IL1RAPL2: variants seen among roughly 807,000 people sequenced by gnomAD.
IL1RAPL2 encodes the protein interleukin 1 receptor accessory protein like 2, also known as X-linked interleukin-1 receptor accessory protein-like 2.
Under a neutral mutation model 44.1 loss-of-function variants are expected in IL1RAPL2, and 3 were observed. That is an observed-to-expected ratio of 0.07 (90% CI 0.03 to 0.18). The LOEUF (loss-of-function observed/expected upper bound fraction) is 0.18, where lower values mean the gene tolerates loss of function less well. Among genes scored for constraint, IL1RAPL2 ranks in the 10% least tolerant of loss-of-function variants. The pLI is 1.00. For synonymous variants in IL1RAPL2, 181 were observed against 178.8 expected (o/e 1.01, Z -0.10); for missense variants, 391 against 496.4 (o/e 0.79, Z 2.02).
At chrX:104,648,359 C>T (rs776585205) in intron 1 of IL1RAPL2, among the ~76,000 whole-genome samples, 12 of 112,283 alleles carry the variant, frequency 1.1e-4, no homozygotes, top group Admixed American at 3.8e-4. Flanking sequence ...TATTTTTATG[C>T]ATAATCATTT....
chrX:105,099,557 C>T (rs1242762473), intron 2 of IL1RAPL2, among the ~76,000 whole-genome samples: 1 of 102,468 alleles, frequency 9.8e-6, no homozygotes, highest in East Asian at 3.1e-4. Flanking sequence ...CTCCGCCTCC[C>T]GGGTTCACGC....
intron 2 of IL1RAPL2, among the ~76,000 whole-genome samples, chrX:104,736,759 T>C (rs904065238): frequency 1.8e-5 from 2 of 112,380 alleles, no homozygotes; most frequent in African/African-American, 3.2e-5. Context: ...CTAAAGTTCC[T>C]TGGAGGAATG....
intron 6 of IL1RAPL2, 74 bp downstream of exon 6, chrX:105,484,461 G>A: frequency 2.8e-6 from 2 of 706,376 alleles, no homozygotes; most frequent in Non-Finnish European, 4.6e-6. Context: ...GCATGAACCA[G>A]GAAAGGTTTA....
intron 6 of IL1RAPL2, among the ~76,000 whole-genome samples, chrX:105,677,139 T>C (rs1453635473): frequency 8.9e-6 from 1 of 111,947 alleles, no homozygotes; most frequent in East Asian, 2.8e-4. Flanking sequence ...GTAAATAATT[T>C]AGTTTAGTTT....
intron 6 of IL1RAPL2, among the ~76,000 whole-genome samples, chrX:105,616,857 T>C (rs771193866): frequency 1.8e-5 from 2 of 110,686 alleles, no homozygotes; most frequent in Non-Finnish European, 3.8e-5. Context: ...GAAATAATAA[T>C]GTCATTATTA....
At chrX:104,860,513 G>A (rs998114729) in intron 2 of IL1RAPL2, among the ~76,000 whole-genome samples, 3 of 111,284 alleles carry the variant, frequency 2.7e-5, no homozygotes, top group Non-Finnish European at 5.7e-5. Flanking sequence ...CCTTACCTTC[G>A]TAGAACATGC....
chrX:105,373,916 C>G (rs1462358814), intron 5 of IL1RAPL2, among the ~76,000 whole-genome samples: 1 of 109,167 alleles, frequency 9.2e-6, no homozygotes, highest in African/African-American at 3.3e-5. Context: ...GCCAGGAGTT[C>G]AAGACCAGCC....
intron 2 of IL1RAPL2, among the ~76,000 whole-genome samples, chrX:105,030,726 T>C (rs1331300240): frequency 8.9e-6 from 1 of 111,771 alleles, no homozygotes; most frequent in East Asian, 2.8e-4. Context: ...CTTGGAAATG[T>C]GGGCTCTTTT....
intron 5 of IL1RAPL2, among the ~76,000 whole-genome samples, chrX:105,297,864 G>A (rs1182566255): frequency 1.8e-5 from 2 of 111,128 alleles, no homozygotes; most frequent in Admixed American, 1.9e-4. Flanking sequence ...CAAGAGTGGA[G>A]GCCAGGAGAC....
chrX:105,754,586 G>T (rs1175597475), intron 9 of IL1RAPL2, among the ~76,000 whole-genome samples: 1 of 112,337 alleles, frequency 8.9e-6, no homozygotes, highest in Non-Finnish European at 1.9e-5. Flanking sequence ...AACAGGTAAC[G>T]CACTTGTATA....
rs757716156 is a variant in IL1RAPL2 at position 105,533,780 on chromosome X, T to C, written c.772+49393T>C. 3.6e-5 allele frequency among the ~76,000 whole-genome samples: 4 copies of C among 112,296 alleles called. No homozygotes were observed. The South Asian group carries it at 1.5e-3, about 41-fold the overall frequency. On this transcript the variant is annotated intron_variant, in intron 6 of 10. Coordinates refer to ENST00000372582, the MANE Select transcript of IL1RAPL2 (RefSeq NM_017416.2). ...CTAAATTGTTGCATATATTAATAGT[T>C]TGTTCCTTTTTGTTACTGAGCAGTA...
At chrX:105,427,794 T>C (rs1460201799) in intron 5 of IL1RAPL2, among the ~76,000 whole-genome samples, 1 of 111,992 alleles carries the variant, frequency 8.9e-6, no homozygotes, top group Non-Finnish European at 1.9e-5. Flanking sequence ...AACTACTAAC[T>C]GCTGGCCTCT....
intron 2 of IL1RAPL2, among the ~76,000 whole-genome samples, chrX:105,118,846 C>T (rs2032890411): frequency 1.8e-5 from 2 of 111,859 alleles, no homozygotes; most frequent in Admixed American, 9.5e-5. Context: ...GTACACAGCC[C>T]CAATAAAAAT....
At position 104,874,279 on chromosome X, in the gene IL1RAPL2, CCTCTCTCTCTCTCT is replaced by C. The variant is rs59789265; in HGVS notation, c.82+215309_82+215322del. ...TTGATTATTTTTAACTGTCTGTATT[CCTCTCTCTCTCTCT>C]CTCTCTCTCTCTCTCTCTCTCTCTG... On this transcript the variant is annotated intron_variant, in intron 2 of 10. Coordinates refer to ENST00000372582, the MANE Select transcript of IL1RAPL2 (RefSeq NM_017416.2). Among the ~76,000 whole-genome samples the C allele has an allele frequency of 3.7e-4, 28 of 76,314 alleles. No individual in the cohort carries two copies. In the South Asian group the frequency reaches 7.7e-3, roughly 21 times the overall value. The allele number at this position is 76,314 out of a possible 115,157, so 66.3% of individuals were successfully genotyped here. A position where few individuals can be genotyped will look rare whatever the true frequency, so the allele number is the denominator to read the frequency against.
rs923551782 is a variant in IL1RAPL2 at position 104,691,814 on chromosome X, G to T, written c.82+32819G>T. 2.7e-5 allele frequency among the ~76,000 whole-genome samples: 3 copies of T among 111,441 alleles called. No individual in the cohort carries two copies. In the East Asian group the frequency reaches 8.5e-4, roughly 31 times the overall value. On this transcript the variant is annotated intron_variant, in intron 2 of 10. Transcript: ENST00000372582. ...ACTGGATCTTGGCATCTGACTTTTTGTTTTTTCAGTGGTAGTCTGTTTTGA... is the reference window on the plus strand; with the variant it reads ...ACTGGATCTTGGCATCTGACTTTTTTTTTTTTCAGTGGTAGTCTGTTTTGA...
chrX:105,016,527 C>T (rs1265940247), intron 2 of IL1RAPL2, among the ~76,000 whole-genome samples: 1 of 111,111 alleles, frequency 9.0e-6, no homozygotes, highest in Non-Finnish European at 1.9e-5. Flanking sequence ...GCATGAAGGG[C>T]TGTTGAATTT....
intron 2 of IL1RAPL2, among the ~76,000 whole-genome samples, chrX:105,014,948 C>A (rs1380847368): frequency 8.9e-6 from 1 of 112,083 alleles, no homozygotes; most frequent in African/African-American, 3.2e-5. Flanking sequence ...AAAAGCCTTC[C>A]TATTTCTCCA....
intron 2 of IL1RAPL2, among the ~76,000 whole-genome samples, chrX:104,767,426 CAG>C (rs1351202609): frequency 1.8e-5 from 2 of 111,846 alleles, no homozygotes; most frequent in African/African-American, 6.5e-5. Flanking sequence ...CCTAGGAAAA[CAG>C]GGGTTTCTAA....
intron 2 of IL1RAPL2, among the ~76,000 whole-genome samples, chrX:105,133,470 TTAAG>T (rs201714057): frequency 0.11 from 12,069 of 111,289 alleles, 647 homozygotes; most frequent in Non-Finnish European, 0.17. Context: ...ATTTTAGCAT[TTAAG>T]TAATGCATCT....
Sources: allele counts gnomAD v4.1 joint callset (sites outside exome capture counted in the v4.1 genomes callset), GRCh38; gene constraint gnomAD v4.1.1; transcripts MANE v1.5; gene names NCBI Gene and HGNC (gene_info 2026-07-23, HGNC 2026-07-21).